Variants in MAPK4 observed in about 807,000 individuals in gnomAD.
MAPK4 encodes the protein mitogen-activated protein kinase 4.
Under a neutral mutation model 47.7 loss-of-function variants are expected in MAPK4, and 22 were observed. The ratio of observed to expected loss-of-function variants is 0.46; its 90% confidence interval spans 0.33 to 0.66. The LOEUF (loss-of-function observed/expected upper bound fraction) is 0.66, where lower values mean the gene tolerates loss of function less well. Ranked by LOEUF, MAPK4 falls within the 30% of genes least tolerant of loss-of-function variation. The pLI, the probability that MAPK4 is intolerant of heterozygous loss-of-function variation, is 0.02. For synonymous variants in MAPK4, 390 were observed against 365.7 expected (o/e 1.07, Z -0.76); for missense variants, 736 against 831.7 (o/e 0.88, Z 1.42).
chr18:50,686,888 C>T (rs1470981373), intron 2 of MAPK4, among the ~76,000 whole-genome samples: 3 of 152,230 alleles, frequency 2.0e-5, no homozygotes, highest in Non-Finnish European at 4.4e-5. Flanking sequence ...AAATTATTCT[C>T]TGCCTTATAC....
rs558029416 is a variant in MAPK4, at chr18:50,610,071, C to T, written c.-871+49828C>T. Among the ~76,000 whole-genome samples the T allele has an allele frequency of 5.3e-5, 8 of 152,322 alleles. No individual in the cohort carries two copies. The South Asian group carries it at 1.4e-3, about 28-fold the overall frequency. On this transcript the variant is annotated intron_variant, in intron 1 of 5. Transcript: ENST00000400384. ...ATTAACTTGTCTACGATCTTGTCAC[C>T]TCCCTTCTGTACCAACCAGGGTCAT...
At chr18:50,666,628 G>A (rs1424633262) in intron 2 of MAPK4, among the ~76,000 whole-genome samples, 1 of 152,168 alleles carries the variant, frequency 6.6e-6, no homozygotes, top group African/African-American at 2.4e-5. Context: ...TTTTCCCAAT[G>A]TAGAGGAATT....
chr18:50,575,261 C>A (rs1314815434), intron 1 of MAPK4, among the ~76,000 whole-genome samples: 1 of 152,186 alleles, frequency 6.6e-6, no homozygotes, highest in Non-Finnish European at 1.5e-5. Context: ...AGAGACTAGA[C>A]CCTCACAAGA....
chr18:50,626,859 C>T (rs536399138), intron 1 of MAPK4, among the ~76,000 whole-genome samples: 2 of 152,204 alleles, frequency 1.3e-5, no homozygotes, highest in Non-Finnish European at 2.9e-5. Flanking sequence ...CACGTGGTGT[C>T]ATTTATTATG....
At chr18:50,695,644 A>T (rs1480128120) in intron 2 of MAPK4, among the ~76,000 whole-genome samples, 2 of 152,210 alleles carry the variant, frequency 1.3e-5, no homozygotes, top group East Asian at 3.9e-4. Flanking sequence ...CCACGCGTGC[A>T]GTAGAGAGAG....
intron 1 of MAPK4, among the ~76,000 whole-genome samples, chr18:50,613,065 T>G (rs2042653940): frequency 6.6e-6 from 1 of 152,302 alleles, no homozygotes; most frequent in South Asian, 2.1e-4. Flanking sequence ...AAACACATTG[T>G]GGCAAACACA....
At chr18:50,699,363 A>T (rs138097713) in intron 2 of MAPK4, among the ~76,000 whole-genome samples, 170 of 152,332 alleles carry the variant, frequency 1.1e-3, no homozygotes, top group African/African-American at 3.9e-3. Flanking sequence ...TTCTCAGTAC[A>T]TCATTGCACT....
In MAPK4 at chr18:50,670,756, CAAAAA is replaced by C. The variant is rs34523525; in HGVS notation, c.546+6267_546+6271del. ...TGGGCAACAGAGTGAGACTCCGTCTCAAAAAAAAAAAAAAAAAAATCAACTAGTGT... is the reference window on the plus strand; with the variant it reads ...TGGGCAACAGAGTGAGACTCCGTCTCAAAAAAAAAAAAAATCAACTAGTGT... On this transcript the variant is annotated intron_variant, in intron 2 of 5. Transcript: ENST00000400384. Among the ~76,000 whole-genome samples, 271 of 104,698 alleles carry C rather than the reference CAAAAA, an allele frequency of 2.6e-3. 1 individual carries two copies. The highest frequency in any genetic ancestry group is 9.4e-3 in the African/African-American group (244 of 26,082). 68.7% of individuals were successfully genotyped at this position (104,698 alleles called of 152,430 possible). A position where few individuals can be genotyped will look rare whatever the true frequency, so the allele number is the denominator to read the frequency against.
In MAPK4 at chr18:50,665,531, G is replaced by A. The variant is rs149076471; in HGVS notation, c.546+1027G>A. ...GGGGTGGGTCATGAAAGGGGAGGGTGGTTTTGACCTTGAACATGCTTTGGC... is the reference window on the plus strand; with the variant it reads ...GGGGTGGGTCATGAAAGGGGAGGGTAGTTTTGACCTTGAACATGCTTTGGC... On this transcript the variant is annotated intron_variant, in intron 2 of 5. Coordinates refer to ENST00000400384, the MANE Select transcript of MAPK4 (RefSeq NM_002747.4). Among the ~76,000 whole-genome samples the A allele has an allele frequency of 3.3e-5, 5 of 152,204 alleles. No homozygotes were observed. In the East Asian group the frequency reaches 9.6e-4, roughly 29 times the overall value.
chr18:50,593,462 C>G (rs2042455270), intron 1 of MAPK4, among the ~76,000 whole-genome samples: 1 of 152,210 alleles, frequency 6.6e-6, no homozygotes, highest in African/African-American at 2.4e-5. Context: ...TACTTCCTAG[C>G]TGTATATGCT....
chr18:50,695,196 T>A (rs6508026), intron 2 of MAPK4, among the ~76,000 whole-genome samples: 147,223 of 152,056 alleles, frequency 0.97, 71,435 homozygotes, highest in East Asian at 1. Flanking sequence ...AAATACAAAA[T>A]TTAGCCGGGT....
chr18:50,602,229 T>C (rs1303941001), intron 1 of MAPK4, among the ~76,000 whole-genome samples: 2 of 152,220 alleles, frequency 1.3e-5, no homozygotes, highest in Non-Finnish European at 2.9e-5. Context: ...CAATAAACCC[T>C]GTATAAAGAC....
intron 1 of MAPK4, among the ~76,000 whole-genome samples, chr18:50,654,334 G>A (rs2043084311): frequency 6.6e-6 from 1 of 152,206 alleles, no homozygotes; most frequent in Admixed American, 6.5e-5. Flanking sequence ...AAGGCACAGT[G>A]GCCTGCAGGC....
At chr18:50,712,300 G>A (rs143276178) in intron 2 of MAPK4, among the ~76,000 whole-genome samples, 2,865 of 152,206 alleles carry the variant, frequency 0.019, 41 homozygotes, top group Non-Finnish European at 0.029. Context: ...GTTGGTGTGC[G>A]CCTGTGGTCC....
chr18:50,691,792 T>C (rs909639495), intron 2 of MAPK4, among the ~76,000 whole-genome samples: 1 of 152,166 alleles, frequency 6.6e-6, no homozygotes, highest in Admixed American at 6.5e-5. Context: ...GCAGCTCCAA[T>C]AGTTTGTCAA....
intron 1 of MAPK4, among the ~76,000 whole-genome samples, chr18:50,567,260 C>G (rs1440483318): frequency 6.6e-6 from 1 of 152,150 alleles, no homozygotes; most frequent in Admixed American, 6.5e-5. Context: ...CCCTGACAGG[C>G]CCTGGTGTGT....
chr18:50,626,132 G>A (rs2042776107), intron 1 of MAPK4, among the ~76,000 whole-genome samples: 1 of 152,166 alleles, frequency 6.6e-6, no homozygotes, highest in Non-Finnish European at 1.5e-5. Flanking sequence ...CTGACTGGAA[G>A]AAGACCACCC....
chr18:50,571,020 T>A (rs2042245539), intron 1 of MAPK4, among the ~76,000 whole-genome samples: 1 of 152,164 alleles, frequency 6.6e-6, no homozygotes, highest in African/African-American at 2.4e-5. Flanking sequence ...AAAATCACTG[T>A]CTGCCCAGGG....
At chr18:50,626,522 A>T (rs59095562) in intron 1 of MAPK4, among the ~76,000 whole-genome samples, 3,613 of 152,130 alleles carry the variant, frequency 0.024, 131 homozygotes, top group African/African-American at 0.082. Context: ...GGGGTTGGTA[A>T]CCTTTGGCCC....
Sources: gnomAD v4.1 joint callset for allele counts (sites outside exome capture counted in the v4.1 genomes callset) on GRCh38, gnomAD v4.1.1 for gene constraint, MANE v1.5 for transcripts, NCBI Gene and HGNC (gene_info 2026-07-23, HGNC 2026-07-21) for gene names.